ST7: variants seen among roughly 807,000 people sequenced by gnomAD.
ST7 encodes the protein suppressor of tumorigenicity 7 protein.
A neutral mutation model predicts 78.7 loss-of-function variants in ST7; 28 were observed. The observed-to-expected ratio is 0.36, with a 90% confidence interval of 0.26 to 0.49. ST7 has a LOEUF of 0.49. Among genes scored for constraint, ST7 ranks in the 20% least tolerant of loss-of-function variants. The pLI is 0.99. For synonymous variants in ST7, 247 were observed against 249.6 expected (o/e 0.99, Z 0.10); for missense variants, 418 against 696.0 (o/e 0.60, Z 4.49).
At position 117,119,645 on chromosome 7, in the gene ST7, G is replaced by C. The variant is rs1446199981; in HGVS notation, c.319G>C (p.Gly107Arg). Reference sequence around the variant, plus strand: ...AAGCCACTTGCGCCCCCTTCTGGGAGGGGTTGACAACAACTCTTCCAACAA... The same window carrying C: ...AAGCCACTTGCGCCCCCTTCTGGGACGGGTTGACAACAACTCTTCCAACAA... ...SVSHLRPLLG[G>R]VDNNSSNNSN... Residue 107 changes from glycine to arginine, a missense_variant, in exon 3 of 16, where the codon GGG (glycine) becomes CGG (arginine). By Grantham distance (125) the Gly-to-Arg change is moderately radical. Transcript: ENST00000323984. 1.2e-6 allele frequency: 2 copies of C among 1,613,858 alleles called. No homozygotes were observed. Among genetic ancestry groups the C allele is most frequent in the Non-Finnish European group, 8.5e-7 (1 of 1,179,996 alleles).
chr7:117,189,213 AT>A (rs1809553762), intron 10 of ST7, 107 bp from the exon 11 acceptor site: 1 of 652,482 alleles, frequency 1.5e-6, no homozygotes, highest in South Asian at 2.3e-5. Flanking sequence ...AATATTCTTC[AT>A]TTATGCTTTA....
chr7:117,095,618 A>C (rs1375353256), intron 1 of ST7, among the ~76,000 whole-genome samples: 4 of 152,238 alleles, frequency 2.6e-5, no homozygotes, highest in Non-Finnish European at 5.9e-5. Context: ...AGAGGTGCCC[A>C]GTCAGGTCCG....
intron 2 of ST7, among the ~76,000 whole-genome samples, chr7:117,114,645 G>A (rs2116906490): frequency 6.6e-6 from 1 of 152,228 alleles, no homozygotes; most frequent in South Asian, 2.1e-4. Context: ...GTGTTGGTGT[G>A]GAATTACTAA....
In ST7 at chr7:117,050,907, C is replaced by T. The variant is rs376865912; in HGVS notation, c.152-48855C>T. Among the ~76,000 whole-genome samples, 14 of 141,292 alleles carry T rather than the reference C, an allele frequency of 9.9e-5. No individual in the cohort carries two copies. The East Asian group carries it at 1.0e-3, about 10-fold the overall frequency. The allele number at this position is 141,292 out of a possible 152,430, so 92.7% of individuals were successfully genotyped here. A position where few individuals can be genotyped will look rare whatever the true frequency, so the allele number is the denominator to read the frequency against. ...ATCGAGCATCTGCACTCCAGCCTGG[C>T]GACAGAGCGAGACTACGTCTCAAAA... On this transcript the variant is annotated intron_variant, in intron 1 of 15. Coordinates refer to ENST00000323984, the MANE Select transcript of ST7 (RefSeq NM_001369598.1).
At position 116,961,555 on chromosome 7, in the gene ST7, C is replaced by CGTGTGTGTGTGTGT. The variant is rs35640208; in HGVS notation, c.151+7890_151+7903dup. ...ACCTCCATGGTTAGCTGTATTCCTA[C>CGTGTGTGTGTGTGT]GTGTGTGTGTGTGTGTGTGTGTGTG... On this transcript the variant is annotated intron_variant, in intron 1 of 15. Coordinates refer to ENST00000323984, the MANE Select transcript of ST7 (RefSeq NM_001369598.1). Among the ~76,000 whole-genome samples, 319 of 138,506 alleles carry CGTGTGTGTGTGTGT rather than the reference C, an allele frequency of 2.3e-3. 2 individuals are homozygous for CGTGTGTGTGTGTGT. Among genetic ancestry groups the CGTGTGTGTGTGTGT allele is most frequent in the African/African-American group, 7.8e-3 (289 of 37,034 alleles). 90.9% of individuals were successfully genotyped at this position (138,506 alleles called of 152,430 possible). A position where few individuals can be genotyped will look rare whatever the true frequency, so the allele number is the denominator to read the frequency against.
In ST7 at chr7:117,190,756, C is replaced by G; in HGVS notation, c.1152-78C>G. The G allele has an allele frequency of 8.6e-7, 1 of 1,162,938 alleles. No individual in the cohort carries two copies. Among genetic ancestry groups the G allele is most frequent in the Non-Finnish European group, 1.3e-6 (1 of 780,028 alleles). The allele number at this position is 1,162,938 out of a possible 1,614,324, so 72.0% of individuals were successfully genotyped here. A position where few individuals can be genotyped will look rare whatever the true frequency, so the allele number is the denominator to read the frequency against. Reference sequence around the variant, plus strand: ...ATTGGCTCACTGTGGTTTTATGGGCCCTAGATGTGTAGATGCTTCCGGGTT... The same window carrying G: ...ATTGGCTCACTGTGGTTTTATGGGCGCTAGATGTGTAGATGCTTCCGGGTT... On this transcript the variant is annotated intron_variant, in intron 11 of 15. Coordinates refer to ENST00000323984, the MANE Select transcript of ST7 (RefSeq NM_001369598.1). The surrounding 1 kb of genome is among the most constrained non-coding windows in gnomAD (Gnocchi z 5.2).
At chr7:117,012,100 T>C (rs2115925080) in intron 1 of ST7, among the ~76,000 whole-genome samples, 1 of 152,206 alleles carries the variant, frequency 6.6e-6, no homozygotes, top group East Asian at 1.9e-4. Context: ...TACTGGCTAA[T>C]GCCACTCTCA....
intron 1 of ST7, among the ~76,000 whole-genome samples, chr7:117,000,300 G>T (rs1794880459): frequency 6.6e-6 from 1 of 152,192 alleles, no homozygotes; most frequent in Admixed American, 6.5e-5. Flanking sequence ...AGAACTTTCT[G>T]CAATAATGGA....
rs190017454 is a variant in ST7 at position 117,088,661 on chromosome 7, G to T, written c.152-11101G>T. Among the ~76,000 whole-genome samples, 7 of 152,196 alleles carry T rather than the reference G, an allele frequency of 4.6e-5. No homozygotes were observed. In the East Asian group the frequency reaches 1.3e-3, roughly 29 times the overall value. ...ATTAAAGTTTCTGTAATATTTTTTGGTATAACTTCCAGTATAGGAAGAGTA... is the reference window on the plus strand; with the variant it reads ...ATTAAAGTTTCTGTAATATTTTTTGTTATAACTTCCAGTATAGGAAGAGTA... On this transcript the variant is annotated intron_variant, in intron 1 of 15. Coordinates refer to ENST00000323984, the MANE Select transcript of ST7 (RefSeq NM_001369598.1).
rs934353170 is a variant in ST7 at position 116,954,875 on chromosome 7, T to G, written c.151+1184T>G. The G allele has an allele frequency of 9.7e-6, 3 of 310,614 alleles. No individual in the cohort carries two copies. In the Admixed American group the frequency reaches 1.5e-4, roughly 15 times the overall value. 19.2% of individuals were successfully genotyped at this position (310,614 alleles called of 1,614,324 possible). ...ACGCTTTTTAAAACGCTTGAGATAATGTACTCATTTTGTTAGGAAACTTGT... is the reference window on the plus strand; with the variant it reads ...ACGCTTTTTAAAACGCTTGAGATAAGGTACTCATTTTGTTAGGAAACTTGT... On this transcript the variant is annotated intron_variant, in intron 1 of 15. Transcript: ENST00000323984.
chr7:117,040,134 G>T (rs571838044), intron 1 of ST7, among the ~76,000 whole-genome samples: 1 of 152,302 alleles, frequency 6.6e-6, no homozygotes, highest in South Asian at 2.1e-4. Context: ...AGCACTTTGG[G>T]AGGCAGAGGT....
At chr7:116,999,603 A>C (rs1246477713) in intron 1 of ST7, among the ~76,000 whole-genome samples, 2 of 152,166 alleles carry the variant, frequency 1.3e-5, no homozygotes, top group Non-Finnish European at 2.9e-5. Context: ...TAATAAAACA[A>C]GGTTTTGCCC....
chr7:117,013,184 T>A (rs1236491866), intron 1 of ST7, among the ~76,000 whole-genome samples: 3 of 152,236 alleles, frequency 2.0e-5, no homozygotes, highest in African/African-American at 7.2e-5. Context: ...CACACACTTG[T>A]AAGTTTTGTG....
chr7:117,120,397 C>T (rs1163594558), intron 3 of ST7, among the ~76,000 whole-genome samples: 3 of 152,206 alleles, frequency 2.0e-5, no homozygotes, highest in Admixed American at 6.5e-5. Flanking sequence ...TCACATCACT[C>T]CTCTGCTTAA....
At chr7:116,981,583 A>G (rs544430906) in intron 1 of ST7, among the ~76,000 whole-genome samples, 1 of 152,270 alleles carries the variant, frequency 6.6e-6, no homozygotes, top group South Asian at 2.1e-4. Context: ...TCTCTATTAT[A>G]TTCTATTCTC....
intron 1 of ST7, among the ~76,000 whole-genome samples, chr7:117,034,802 G>A (rs186940315): frequency 3.9e-5 from 6 of 152,192 alleles, no homozygotes; most frequent in Admixed American, 3.3e-4. Flanking sequence ...AATTTTCTTC[G>A]CTGAGGAATT....
At chr7:117,097,636 T>TAAA (rs1431279604) in intron 1 of ST7, among the ~76,000 whole-genome samples, 1 of 151,264 alleles carries the variant, frequency 6.6e-6, no homozygotes, top group Non-Finnish European at 1.5e-5. Flanking sequence ...TGCTGACTTT[T>TAAA]AAAAAAATAA....
At chr7:117,016,998 T>A (rs918401227) in intron 1 of ST7, among the ~76,000 whole-genome samples, 3 of 152,178 alleles carry the variant, frequency 2.0e-5, no homozygotes, top group Non-Finnish European at 4.4e-5. Flanking sequence ...AAGAACAGAT[T>A]TATTATTAAA....
chr7:116,998,962 C>T (rs1469654487), intron 1 of ST7, among the ~76,000 whole-genome samples: 1 of 152,170 alleles, frequency 6.6e-6, no homozygotes, highest in Admixed American at 6.5e-5. Flanking sequence ...GCAAAAGTAA[C>T]CTTAGCAAAA....
Sources: allele counts gnomAD v4.1 joint callset (sites outside exome capture counted in the v4.1 genomes callset), GRCh38; gene constraint gnomAD v4.1.1; non-coding constraint Gnocchi (gnomAD v3.1); transcripts MANE v1.5; gene names NCBI Gene and HGNC (gene_info 2026-07-23, HGNC 2026-07-21).